The following SGCD variants were observed in gnomAD, a reference collection of about 807,000 sequenced individuals.
The protein encoded by SGCD is sarcoglycan delta.
SGCD carries 18 observed loss-of-function variants against 36.6 expected under a neutral mutation model. The observed-to-expected ratio is 0.49, with a 90% CI of 0.34 to 0.73. SGCD has a LOEUF of 0.73. SGCD is among the 30% of genes least tolerant of loss of function. The pLI is 0.01. For synonymous variants in SGCD, 133 were observed against 130.6 expected (o/e 1.02, Z -0.12); for missense variants, 387 against 346.7 (o/e 1.12, Z -0.92).
chr5:156,134,592 C>A (rs1187194821), intron 3 of SGCD, among the ~76,000 whole-genome samples: 1 of 151,326 alleles, frequency 6.6e-6, no homozygotes, highest in Non-Finnish European at 1.5e-5. Flanking sequence ...TTTAAAGTTC[C>A]GGTACAGAAA....
intron 4 of SGCD, among the ~76,000 whole-genome samples, chr5:156,526,978 TAGG>T (rs1298512311): frequency 1.3e-5 from 2 of 152,172 alleles, no homozygotes; most frequent in African/African-American, 2.4e-5. Flanking sequence ...AGAGTTCTGG[TAGG>T]AGAAGTGTGT....
rs769070218 is a variant in SGCD, at chr5:156,537,459, C to CCACACACACACACA, written c.294+28792_294+28805dup. ...TGGGCTTGAGGTTAGAAGGTAGCAG[C>CCACACACACACACA]CACACACACACACACACACACACAC... On this transcript the variant is annotated intron_variant, in intron 4 of 8. Coordinates refer to ENST00000337851, the MANE Select transcript of SGCD (RefSeq NM_000337.6). Among the ~76,000 whole-genome samples the CCACACACACACACA allele has an allele frequency of 3.5e-3, 443 of 125,880 alleles. 2 individuals carry two copies. The highest frequency in any genetic ancestry group is 4.5e-3 in the Non-Finnish European group (274 of 60,368). 82.6% of individuals were successfully genotyped at this position (125,880 alleles called of 152,430 possible). A position where few individuals can be genotyped will look rare whatever the true frequency, so the allele number is the denominator to read the frequency against.
At chr5:155,795,395 T>G in the SGCD span, among the ~76,000 whole-genome samples, 3 of 151,774 alleles carry the variant, frequency 2.0e-5, no homozygotes, top group Non-Finnish European at 2.9e-5. Flanking sequence ...ATGGTAAATT[T>G]ACCAATAGTG....
intron 3 of SGCD, among the ~76,000 whole-genome samples, chr5:156,124,411 A>G (rs1425544199): frequency 6.6e-6 from 1 of 152,176 alleles, no homozygotes; most frequent in Non-Finnish European, 1.5e-5. Context: ...GTTTATTCAT[A>G]TTTACAGTGT....
At chr5:155,834,003 A>G in the SGCD span, among the ~76,000 whole-genome samples, 2 of 152,208 alleles carry the variant, frequency 1.3e-5, no homozygotes, top group African/African-American at 2.4e-5. Flanking sequence ...AGTTTTGCTC[A>G]TGGTGTGGCT....
intron 7 of SGCD, among the ~76,000 whole-genome samples, chr5:156,715,136 C>T (rs537403604): frequency 5.3e-4 from 80 of 152,218 alleles, no homozygotes; most frequent in African/African-American, 1.9e-3. Flanking sequence ...TGTTTCTGGT[C>T]AGTCATCATA....
At position 156,245,279 on chromosome 5, in the gene SGCD, A is replaced by G. The variant is rs547007308; in HGVS notation, c.-43-84255A>G. On this transcript the variant is annotated intron_variant, in intron 3 of 9. Coordinates refer to the SGCD transcript ENST00000517913. The stretch of plus-strand genomic sequence containing the variant: ...GTGATAAATAAAGGAAGTGTTAAAC[A>G]TTCTTTCTTGTGTGAACAGCACCTC... 1.3e-3 allele frequency among the ~76,000 whole-genome samples: 198 copies of G among 152,322 alleles called. 1 individual carries two copies. The highest frequency in any genetic ancestry group is 4.7e-3 in the African/African-American group (195 of 41,588).
intron 3 of SGCD, among the ~76,000 whole-genome samples, chr5:156,188,665 A>ACCCCCC (rs749449803): frequency 8.4e-6 from 1 of 118,486 alleles, no homozygotes; most frequent in African/African-American, 3.5e-5. Flanking sequence ...GACCACCCCA[A>ACCCCCC]CCGCCCCCCC....
the SGCD span, among the ~76,000 whole-genome samples, chr5:155,767,691 G>T: frequency 6.6e-6 from 1 of 152,142 alleles, no homozygotes; most frequent in African/African-American, 2.4e-5. Context: ...TACTGACAGA[G>T]TATTAAGGCT....
chr5:156,476,333 A>G (rs1043344706), intron 3 of SGCD, among the ~76,000 whole-genome samples: 3 of 152,234 alleles, frequency 2.0e-5, no homozygotes, highest in African/African-American at 7.2e-5. Context: ...AGGACATTCC[A>G]GAAAGGAGCT....
At chr5:156,074,511 G>A (rs1760709186) in intron 1 of SGCD, among the ~76,000 whole-genome samples, 4 of 152,078 alleles carry the variant, frequency 2.6e-5, no homozygotes, top group African/African-American at 7.2e-5. Flanking sequence ...GGGAAACCCC[G>A]TCTCTACTAA....
the SGCD span, among the ~76,000 whole-genome samples, chr5:155,827,859 T>TTTTTTTTG: frequency 6.7e-6 from 1 of 148,654 alleles, no homozygotes; most frequent in African/African-American, 2.5e-5. Context: ...TTTTTTTTTT[T>TTTTTTTTG]TTTGTATTTT....
intron 4 of SGCD, among the ~76,000 whole-genome samples, chr5:156,577,413 C>A (rs1321283645): frequency 6.6e-6 from 1 of 151,974 alleles, no homozygotes; most frequent in African/African-American, 2.4e-5. Context: ...TATTTTATTT[C>A]CATATGAACT....
At chr5:156,271,343 G>GA (rs1210970157) in intron 3 of SGCD, among the ~76,000 whole-genome samples, 2 of 151,952 alleles carry the variant, frequency 1.3e-5, no homozygotes, top group African/African-American at 4.8e-5. Flanking sequence ...GCAGTTTATG[G>GA]AAAAAAGTGC....
At chr5:155,829,720 A>G in the SGCD span, among the ~76,000 whole-genome samples, 1 of 152,192 alleles carries the variant, frequency 6.6e-6, no homozygotes, top group Non-Finnish European at 1.5e-5. Context: ...GTTTCCATTG[A>G]TCATTGTGTT....
chr5:156,161,736 T>A (rs1267538112), intron 3 of SGCD, among the ~76,000 whole-genome samples: 3 of 151,766 alleles, frequency 2.0e-5, no homozygotes, highest in Non-Finnish European at 2.9e-5. Context: ...AACATTTTCC[T>A]CATCTTTCCT....
At chr5:156,379,347 A>T (rs764139620) in intron 3 of SGCD, among the ~76,000 whole-genome samples, 5 of 152,202 alleles carry the variant, frequency 3.3e-5, no homozygotes, top group Non-Finnish European at 5.9e-5. Context: ...AATATCTGCA[A>T]TAAGTAGAGG....
chr5:155,806,193 C>T, the SGCD span, among the ~76,000 whole-genome samples: 1 of 152,180 alleles, frequency 6.6e-6, no homozygotes, highest in African/African-American at 2.4e-5. Context: ...CTCACTCTGT[C>T]ACCCAGGTTG....
chr5:156,159,848 A>G (rs1196731137), intron 3 of SGCD, among the ~76,000 whole-genome samples: 1 of 151,558 alleles, frequency 6.6e-6, no homozygotes, highest in East Asian at 1.9e-4. Context: ...CGTAATTTTA[A>G]TGGCTACATG....
Sources: gnomAD v4.1 joint callset for allele counts (sites outside exome capture counted in the v4.1 genomes callset) on GRCh38, gnomAD v4.1.1 for gene constraint, MANE v1.5 for transcripts, NCBI Gene and HGNC (gene_info 2026-07-23, HGNC 2026-07-21) for gene names.